PACS1: variants seen among roughly 807,000 people sequenced by gnomAD.
PACS1 encodes phosphofurin acidic cluster sorting protein 1.
A neutral mutation model predicts 115.0 loss-of-function variants in PACS1; 24 were observed. The observed-to-expected ratio is 0.21, with a 90% CI of 0.15 to 0.29. The LOEUF (loss-of-function observed/expected upper bound fraction) is 0.29. Among genes scored for constraint, PACS1 ranks in the 10% least tolerant of loss-of-function variants. The pLI is 1.00. For missense variants in PACS1, 838 were observed against 1,251.2 expected (o/e 0.67, Z 4.98); for synonymous variants, 453 against 504.5 (o/e 0.90, Z 1.37).
At chr11:66,229,054 C>T (rs577163949) in intron 11 of PACS1, among the ~76,000 whole-genome samples, 1 of 151,580 alleles carries the variant, frequency 6.6e-6, no homozygotes, top group East Asian at 1.9e-4. Context: ...CAGGCTGGGT[C>T]ATGGTGGGCC....
intron 1 of PACS1, among the ~76,000 whole-genome samples, chr11:66,170,986 A>G (rs941456272): frequency 6.7e-6 from 1 of 149,102 alleles, no homozygotes; most frequent in Admixed American, 6.6e-5. Context: ...AAAACATTCT[A>G]TGTATGTTTG....
chr11:66,154,076 T>G (rs1306385732), intron 1 of PACS1, among the ~76,000 whole-genome samples: 1 of 152,206 alleles, frequency 6.6e-6, no homozygotes, highest in East Asian at 1.9e-4. Context: ...TACTTTATAA[T>G]GATAAAAGGG....
intron 4 of PACS1, 134 bp from the exon 5 acceptor site, chr11:66,215,985 G>A (rs1468238711): frequency 8.5e-6 from 5 of 591,668 alleles, no homozygotes; most frequent in Non-Finnish European, 1.5e-5. Context: ...TAGGACAGTA[G>A]GCATGGATTT....
chr11:66,148,838 AT>A, intron 1 of PACS1, among the ~76,000 whole-genome samples: 1 of 152,240 alleles, frequency 6.6e-6, no homozygotes, highest in Non-Finnish European at 1.5e-5. Context: ...AGGTGTGAGA[AT>A]TGCTTGAACC....
intron 1 of PACS1, among the ~76,000 whole-genome samples, chr11:66,158,514 A>C (rs566520312): frequency 1.3e-5 from 2 of 152,320 alleles, no homozygotes; most frequent in African/African-American, 4.8e-5. Flanking sequence ...CCTGTGCAAT[A>C]TGGTGATGAT....
chr11:66,232,222 T>G lies in PACS1; in HGVS notation c.1677T>G (p.Asp559Glu). Residue 559 changes from aspartate (D) to glutamate (E), a missense_variant, in exon 14 of 24, where the codon GAT (aspartate) becomes GAG (glutamate). By Grantham distance (45) the Asp-to-Glu change is conservative. This residue lies in a region of PACS1 where 383 missense variants were observed against 537.0 expected (regional missense o/e 0.71). Coordinates refer to ENST00000320580, the MANE Select transcript of PACS1 (RefSeq NM_018026.4). ...YDQLNQILVS[D>E]AALPENVILV... is the part of the protein sequence containing the mutation. ...AGCTCAATCAGATCCTGGTGTCAGA[T>G]GCAGCCCTCCCAGAAAATGTCATTC... 1 of 1,613,924 alleles carries G rather than the reference T, an allele frequency of 6.2e-7. No individual in the cohort carries two copies. Among genetic ancestry groups the G allele is most frequent in the South Asian group, 1.1e-5 (1 of 91,084 alleles).
intron 10 of PACS1, 194 bp downstream of exon 10, chr11:66,221,441 A>AT (rs1211066648): frequency 3.4e-6 from 2 of 591,120 alleles, no homozygotes; most frequent in Admixed American, 5.7e-5. Context: ...AGGTCAAGAG[A>AT]TTGAGAGCAT....
At chr11:66,174,822 A>G (rs1424743013) in intron 1 of PACS1, among the ~76,000 whole-genome samples, 2 of 152,160 alleles carry the variant, frequency 1.3e-5, no homozygotes, top group African/African-American at 4.8e-5. Context: ...CTATCTAACA[A>G]ATTTATTGAA....
chr11:66,116,915 A>C (rs1440417018), intron 1 of PACS1, among the ~76,000 whole-genome samples: 2 of 151,658 alleles, frequency 1.3e-5, no homozygotes, highest in Non-Finnish European at 2.9e-5. Context: ...AACAACTCAG[A>C]TTCTAGTTGG....
intron 1 of PACS1, among the ~76,000 whole-genome samples, chr11:66,078,413 A>G (rs1857429847): frequency 6.6e-6 from 1 of 152,154 alleles, no homozygotes; most frequent in Non-Finnish European, 1.5e-5. Context: ...TTTTGGACAC[A>G]TTAGTGGTTA....
chr11:66,121,690 T>C (rs979052896), intron 1 of PACS1, among the ~76,000 whole-genome samples: 1 of 152,186 alleles, frequency 6.6e-6, no homozygotes, highest in African/African-American at 2.4e-5. Context: ...GGACAGAAGA[T>C]CAAACCAGCC....
chr11:66,120,194 C>CT (rs1296209281), intron 1 of PACS1, among the ~76,000 whole-genome samples: 7 of 139,590 alleles, frequency 5.0e-5, no homozygotes, highest in Admixed American at 2.3e-4. Context: ...GTTGCCCAGG[C>CT]TGGAGTGCAG....
At chr11:66,170,289 T>C (rs1296350894) in intron 1 of PACS1, among the ~76,000 whole-genome samples, 1 of 150,596 alleles carries the variant, frequency 6.6e-6, no homozygotes, top group Admixed American at 6.6e-5. Context: ...TATTTGGCTG[T>C]CCCTTTATTT....
At chr11:66,127,418 C>T (rs1407865415) in intron 1 of PACS1, among the ~76,000 whole-genome samples, 1 of 152,122 alleles carries the variant, frequency 6.6e-6, no homozygotes, top group East Asian at 1.9e-4. Context: ...CCAGTGGGCC[C>T]GACTGCATCA....
Position 66,119,140 on chromosome 11 carries a change from A to G in PACS1, c.356+48298A>G, listed in dbSNP as rs1858384439. Among the ~76,000 whole-genome samples, 3 of 152,220 alleles carry G rather than the reference A, an allele frequency of 2.0e-5. No individual in the cohort carries two copies. In the South Asian group the frequency reaches 6.2e-4, roughly 31 times the overall value. Reference sequence around the variant, plus strand: ...TGTCCTCTGCTCTCTTCTGACCGGTAGCGTTAATACTTCTTTGGTTTAATG... The same window carrying G: ...TGTCCTCTGCTCTCTTCTGACCGGTGGCGTTAATACTTCTTTGGTTTAATG... On this transcript the variant is annotated intron_variant, in intron 1 of 23. Coordinates refer to ENST00000320580, the MANE Select transcript of PACS1 (RefSeq NM_018026.4).
At chr11:66,214,620 C>CCT (rs1554990429) in intron 4 of PACS1, among the ~76,000 whole-genome samples, 11 of 115,346 alleles carry the variant, frequency 9.5e-5, no homozygotes, top group African/African-American at 3.7e-4. Flanking sequence ...TTTTTCTTTT[C>CCT]TTTTTTTTTT....
chr11:66,238,716 C>T, intron 19 of PACS1, 88 bp from the exon 20 acceptor site: 1 of 1,197,356 alleles, frequency 8.4e-7, no homozygotes, highest in Non-Finnish European at 1.2e-6. Context: ...GTAGTGATGG[C>T]TCTTGTGCCA....
chr11:66,184,713 A>G (rs909546805), intron 1 of PACS1, among the ~76,000 whole-genome samples: 6 of 152,174 alleles, frequency 3.9e-5, no homozygotes, highest in African/African-American at 7.2e-5. Flanking sequence ...TTAATTATGC[A>G]CTGTCACGTT....
intron 1 of PACS1, among the ~76,000 whole-genome samples, chr11:66,181,849 A>G (rs994074683): frequency 1.3e-5 from 2 of 152,170 alleles, no homozygotes; most frequent in Non-Finnish European, 2.9e-5. Flanking sequence ...GTTGTCATGA[A>G]TGAAGAACTG....
Sources: allele counts gnomAD v4.1 joint callset (sites outside exome capture counted in the v4.1 genomes callset), GRCh38; gene constraint gnomAD v4.1.1; regional missense constraint gnomAD v4.1.1; transcripts MANE v1.5; gene names NCBI Gene and HGNC (gene_info 2026-07-23, HGNC 2026-07-21).